SRPK2: variants seen among roughly 807,000 people sequenced by gnomAD.
SRPK2 encodes SFRS protein kinase 2.
In SRPK2, 21 loss-of-function variants were observed where a neutral mutation model predicts 90.8. The observed-to-expected ratio is 0.23, with a 90% CI of 0.16 to 0.33. The LOEUF (loss-of-function observed/expected upper bound fraction) is 0.33. SRPK2 is among the 10% of genes least tolerant of loss of function. SRPK2 has a pLI of 1.00. For synonymous variants in SRPK2, 288 were observed against 311.1 expected (o/e 0.93, Z 0.78); for missense variants, 620 against 869.0 (o/e 0.71, Z 3.60).
intron 2 of SRPK2, among the ~76,000 whole-genome samples, chr7:105,347,719 T>C (rs1014943484): frequency 1.3e-5 from 2 of 151,796 alleles, no homozygotes; most frequent in Admixed American, 6.6e-5. Context: ...TAGCCAGGCA[T>C]GGTGGCACAA....
intron 2 of SRPK2, among the ~76,000 whole-genome samples, chr7:105,372,136 T>TAAAA (rs55928342): frequency 3.9e-5 from 3 of 76,768 alleles, no homozygotes; most frequent in African/African-American, 5.2e-5. Context: ...CTCCAACTCA[T>TAAAA]AAAAAAAAAA....
At chr7:105,388,975 T>TCCGGCCCCGCCCCCGCC (rs1822010309), upstream of SRPK2, 2 of 1,021,186 alleles carry the variant, frequency 2.0e-6, no homozygotes, top group African/African-American at 4.4e-5. Flanking sequence ...CCCGCCCCCG[T>TCCGGCCCCGCCCCCGCC]CCGGCCCCGC....
chr7:105,388,227 T>C (rs953937969), intron 2 of SRPK2, among the ~76,000 whole-genome samples: 1 of 151,538 alleles, frequency 6.6e-6, no homozygotes, highest in East Asian at 2.0e-4. Context: ...GCGGCTCAGG[T>C]GGGAGCAACG....
intron 2 of SRPK2, among the ~76,000 whole-genome samples, chr7:105,356,101 C>G (rs192095066): frequency 1.3e-5 from 2 of 152,086 alleles, no homozygotes; most frequent in Non-Finnish European, 2.9e-5. Context: ...GTTTCTAACT[C>G]TTGGCAAGGC....
intron 2 of SRPK2, among the ~76,000 whole-genome samples, chr7:105,274,049 T>A (rs1279598940): frequency 2.0e-5 from 3 of 152,334 alleles, no homozygotes; most frequent in East Asian, 3.9e-4. Flanking sequence ...AGAAGATTAC[T>A]GTTGCTGAGA....
intron 2 of SRPK2, among the ~76,000 whole-genome samples, chr7:105,238,673 C>G (rs886247204): frequency 6.6e-6 from 1 of 152,150 alleles, no homozygotes; most frequent in Admixed American, 6.5e-5. Flanking sequence ...ATTTGGAACC[C>G]AGAAGCCTGA....
intron 2 of SRPK2, among the ~76,000 whole-genome samples, chr7:105,234,856 T>C (rs924086110): frequency 6.6e-6 from 1 of 152,022 alleles, no homozygotes. Context: ...ATGGAGAAGA[T>C]GGTAACAGAA....
At chr7:105,146,210 C>T (rs1804608461) in intron 8 of SRPK2, among the ~76,000 whole-genome samples, 1 of 152,184 alleles carries the variant, frequency 6.6e-6, no homozygotes, top group Non-Finnish European at 1.5e-5. Flanking sequence ...CTATGTTCTC[C>T]TCTGCAGAGA....
chr7:105,395,504 C>T (rs1024712724), intron 1 of SRPK2, among the ~76,000 whole-genome samples: 4 of 151,736 alleles, frequency 2.6e-5, no homozygotes, highest in African/African-American at 7.3e-5. Context: ...CCAAGGCGGG[C>T]GAATCACCTG....
At position 105,288,348 on chromosome 7, in the gene SRPK2, G is replaced by C. The variant is rs144501835; in HGVS notation, c.72-84563C>G. ...GGGGTGGCTCATGCCTGTAATCCCA[G>C]CACTTTGGGAGGTAGGGCGGGTGGA... On this transcript the variant is annotated intron_variant, in intron 2 of 15. Coordinates refer to ENST00000393651, the MANE Select transcript of SRPK2 (RefSeq NM_182692.3). Among the ~76,000 whole-genome samples, 20 of 152,264 alleles carry C rather than the reference G, an allele frequency of 1.3e-4. No homozygotes were observed. The East Asian group carries it at 2.7e-3, about 21-fold the overall frequency.
intron 11 of SRPK2, among the ~76,000 whole-genome samples, chr7:105,134,622 G>C (rs953052095): frequency 3.3e-5 from 5 of 152,238 alleles, no homozygotes; most frequent in African/African-American, 1.2e-4. Context: ...TACGAGCTGT[G>C]AAACCAGGGT....
chr7:105,368,109 C>A (rs934977417), intron 2 of SRPK2, among the ~76,000 whole-genome samples: 4 of 152,118 alleles, frequency 2.6e-5, no homozygotes, highest in African/African-American at 9.7e-5. Flanking sequence ...GAAATTATTT[C>A]TATTACTGGT....
intron 2 of SRPK2, among the ~76,000 whole-genome samples, chr7:105,386,036 C>A (rs1432726316): frequency 3.9e-5 from 6 of 152,152 alleles, no homozygotes; most frequent in Non-Finnish European, 8.8e-5. Context: ...TATCACCGGC[C>A]GGGCTTGGTG....
At chr7:105,319,510 G>C (rs1020298621) in intron 2 of SRPK2, among the ~76,000 whole-genome samples, 1 of 119,392 alleles carries the variant, frequency 8.4e-6, no homozygotes, top group African/African-American at 2.9e-5. Flanking sequence ...GCGGCGGGGG[G>C]GGGGGGGGCG....
At chr7:105,208,323 C>G (rs1206125657) in intron 2 of SRPK2, among the ~76,000 whole-genome samples, 1 of 152,156 alleles carries the variant, frequency 6.6e-6, no homozygotes, top group South Asian at 2.1e-4. Flanking sequence ...AGCATATATC[C>G]AGCAAAATCT....
At chr7:105,365,508 A>AT (rs1563292094) in intron 2 of SRPK2, among the ~76,000 whole-genome samples, 15 of 137,278 alleles carry the variant, frequency 1.1e-4, no homozygotes, top group African/African-American at 3.8e-4. Flanking sequence ...AAAAAAAAAA[A>AT]ATTATATATA....
At chr7:105,154,741 A>C (rs1448442540) in intron 7 of SRPK2, among the ~76,000 whole-genome samples, 1 of 152,078 alleles carries the variant, frequency 6.6e-6, no homozygotes, top group African/African-American at 2.4e-5. Context: ...CAGTGACACA[A>C]TCTCGGCTCA....
At chr7:105,167,905 C>A in intron 5 of SRPK2, 103 bp downstream of exon 5, 1 of 999,406 alleles carries the variant, frequency 1.0e-6, no homozygotes. Context: ...GCCACCGTGC[C>A]CAGCCAAACT....
At position 105,142,274 on chromosome 7, in the gene SRPK2, T is replaced by A; in HGVS notation, c.1277A>T (p.Asn426Ile). The part of the protein sequence containing the change: ...EEDCPNPEEY[N>I]LDEPNAESDY... ...ACTTTCTGCATTTGGCTCATCAAGA[T>A]TATATTCCTCAGGATTTGGGCAGTC... is the stretch of plus-strand genomic sequence containing the variant. The change falls in exon 11 of 16, where the codon AAT becomes ATT. Residue 426 changes from asparagine to isoleucine, a missense_variant. Physicochemically the swap from Asn to Ile is moderately radical, Grantham distance 149. Transcript: ENST00000393651. The A allele has an allele frequency of 6.2e-7, 1 of 1,614,162 alleles. No individual in the cohort carries two copies. The highest frequency in any genetic ancestry group is 8.5e-7 in the Non-Finnish European group (1 of 1,180,030).
Sources: allele counts gnomAD v4.1 joint callset (sites outside exome capture counted in the v4.1 genomes callset), GRCh38; gene constraint gnomAD v4.1.1; transcripts MANE v1.5; gene names NCBI Gene and HGNC (gene_info 2026-07-23, HGNC 2026-07-21).